Variants in PPARGC1A observed in about 807,000 individuals in gnomAD.
PPARGC1A encodes the protein PPARG coactivator 1 alpha.
PPARGC1A carries 25 observed loss-of-function variants against 88.7 expected under a neutral mutation model. The ratio of observed to expected loss-of-function variants is 0.28; its 90% CI spans 0.21 to 0.39. The LOEUF is 0.39. PPARGC1A is among the 10% of genes least tolerant of loss of function. The pLI is 1.00. For synonymous variants in PPARGC1A, 363 were observed against 355.6 expected (o/e 1.02, Z -0.24); for missense variants, 880 against 968.7 (o/e 0.91, Z 1.22).
the PPARGC1A span, among the ~76,000 whole-genome samples, chr4:24,228,875 A>G: frequency 2.6e-5 from 4 of 152,186 alleles, no homozygotes; most frequent in South Asian, 2.1e-4. Context: ...CAGTGGATTT[A>G]TCTTCCTCCT....
intron 4 of PPARGC1A, 148 bp from the exon 5 acceptor site, chr4:23,828,752 C>G (rs1040767280): frequency 1.5e-6 from 1 of 683,340 alleles, no homozygotes; most frequent in Non-Finnish European, 2.5e-6. Context: ...GTTTGCAGAA[C>G]AAGGAAAGAA....
chr4:23,960,613 A>T, the PPARGC1A span, among the ~76,000 whole-genome samples: 1 of 152,108 alleles, frequency 6.6e-6, no homozygotes, highest in East Asian at 1.9e-4. Context: ...TGTGAAAATG[A>T]CTACAAGGAA....
the PPARGC1A span, among the ~76,000 whole-genome samples, chr4:23,995,940 A>T: frequency 6.6e-6 from 1 of 152,220 alleles, no homozygotes; most frequent in African/African-American, 2.4e-5. Context: ...GTAAATTCTC[A>T]CCAGCCTTCC....
the PPARGC1A span, among the ~76,000 whole-genome samples, chr4:24,142,860 T>C: frequency 6.6e-6 from 1 of 152,034 alleles, no homozygotes; most frequent in Non-Finnish European, 1.5e-5. Flanking sequence ...ATTATAGGTG[T>C]AGGGAAAGCA....
the PPARGC1A span, among the ~76,000 whole-genome samples, chr4:24,238,448 G>A: frequency 6.6e-6 from 1 of 152,140 alleles, no homozygotes; most frequent in Non-Finnish European, 1.5e-5. Context: ...CACTCACGGA[G>A]TTATGCTGAA....
the PPARGC1A span, among the ~76,000 whole-genome samples, chr4:24,311,928 TGAA>T: frequency 1.3e-5 from 2 of 152,074 alleles, no homozygotes; most frequent in East Asian, 3.9e-4. Context: ...TGGGAAGCCA[TGAA>T]GAAGAGGAAG....
chr4:23,813,894 G>T lies in PPARGC1A; in HGVS notation c.1589C>A (p.Ser530Tyr). The T allele has an allele frequency of 6.2e-7, 1 of 1,613,954 alleles. No individual in the cohort carries two copies. Among genetic ancestry groups the T allele is most frequent in the Non-Finnish European group, 8.5e-7 (1 of 1,179,884 alleles). Residue 530 changes from serine (S) to tyrosine (Y), a missense_variant, in exon 8 of 13, where the codon TCC becomes TAC. By Grantham distance (144) the Ser-to-Tyr change is moderately radical. Coordinates refer to ENST00000264867, the MANE Select transcript of PPARGC1A (RefSeq NM_013261.5). ...AGGAGACACATTGAACAATGAATAG[G>T]ATTGCGTGCCATCCCAAGGGTAGCT... Reference protein sequence around the residue: ...KLSYPWDGTQSYSLFNVSPSC... With the variant: ...KLSYPWDGTQYYSLFNVSPSC...
the PPARGC1A span, among the ~76,000 whole-genome samples, chr4:24,198,821 G>A: frequency 7.9e-5 from 12 of 152,330 alleles, no homozygotes; most frequent in Non-Finnish European, 1.6e-4. Flanking sequence ...GCCTGTCTGC[G>A]AGAAGGGCTG....
At chr4:24,107,594 C>A in the PPARGC1A span, among the ~76,000 whole-genome samples, 1 of 152,200 alleles carries the variant, frequency 6.6e-6, no homozygotes, top group Non-Finnish European at 1.5e-5. Context: ...GCTTCAAAAA[C>A]ACAATTTGGA....
the PPARGC1A span, among the ~76,000 whole-genome samples, chr4:23,984,473 C>G: frequency 1.3e-5 from 2 of 152,046 alleles, no homozygotes; most frequent in Non-Finnish European, 2.9e-5. Context: ...GTTTCCGTAT[C>G]ATGTGTGCTT....
In PPARGC1A at chr4:23,824,338, G is replaced by C. The variant is rs746477692; in HGVS notation, c.819C>G (p.Ser273=). ...TPESPNDPKG[S]PFENKTIERT... ...GTTCAATAGTCTTGTTCTCAAATGGGGAACCCTTGGGGTCACTGGAAGATA... is the reference window on the plus strand; with the variant it reads ...GTTCAATAGTCTTGTTCTCAAATGGCGAACCCTTGGGGTCACTGGAAGATA... Residue 273 remains serine, a synonymous_variant, in exon 7 of 13, where the codon TCC becomes TCG. Transcript: ENST00000264867. 13 of 1,613,326 alleles carry C rather than the reference G, an allele frequency of 8.1e-6. No individual in the cohort carries two copies. The highest frequency in any genetic ancestry group is 1.1e-5 in the Non-Finnish European group (13 of 1,179,612).
chr4:24,058,411 G>T, the PPARGC1A span, among the ~76,000 whole-genome samples: 1 of 152,120 alleles, frequency 6.6e-6, no homozygotes, highest in Non-Finnish European at 1.5e-5. Context: ...ATGATCCCTG[G>T]CAGAGGACGC....
the PPARGC1A span, among the ~76,000 whole-genome samples, chr4:24,130,004 G>A: frequency 1.3e-5 from 2 of 152,038 alleles, no homozygotes; most frequent in Admixed American, 1.3e-4. Context: ...GTTGAGGGGT[G>A]GGGGGACCGG....
chr4:24,227,437 A>T, the PPARGC1A span, among the ~76,000 whole-genome samples: 1 of 152,210 alleles, frequency 6.6e-6, no homozygotes, highest in African/African-American at 2.4e-5. Flanking sequence ...ACTCATTTGT[A>T]AAACGAATAT....
At chr4:23,936,610 G>A in the PPARGC1A span, among the ~76,000 whole-genome samples, 2 of 152,108 alleles carry the variant, frequency 1.3e-5, no homozygotes, top group Non-Finnish European at 2.9e-5. Context: ...GGTGGCAGGC[G>A]CCTGTAATCC....
At chr4:24,222,790 T>C in the PPARGC1A span, among the ~76,000 whole-genome samples, 1 of 152,332 alleles carries the variant, frequency 6.6e-6, no homozygotes, top group African/African-American at 2.4e-5. Flanking sequence ...CTCTTGTCTT[T>C]GTCATTTAAA....
At chr4:24,052,623 T>G in the PPARGC1A span, among the ~76,000 whole-genome samples, 1 of 140,882 alleles carries the variant, frequency 7.1e-6, no homozygotes. Context: ...GGCGACAGAG[T>G]GAGATTACAT....
At chr4:24,386,418 A>G in the PPARGC1A span, among the ~76,000 whole-genome samples, 2 of 152,194 alleles carry the variant, frequency 1.3e-5, no homozygotes, top group African/African-American at 4.8e-5. Flanking sequence ...AAAGAAATAA[A>G]GGGTATTCAA....
At chr4:24,006,904 T>C in the PPARGC1A span, among the ~76,000 whole-genome samples, 1 of 152,178 alleles carries the variant, frequency 6.6e-6, no homozygotes, top group Admixed American at 6.5e-5. Context: ...CCTATATCCA[T>C]TTGACTGTCA....
Sources: gnomAD v4.1 joint callset for allele counts (sites outside exome capture counted in the v4.1 genomes callset) on GRCh38, gnomAD v4.1.1 for gene constraint, MANE v1.5 for transcripts, NCBI Gene and HGNC (gene_info 2026-07-23, HGNC 2026-07-21) for gene names.